PLEKHN1: variants seen among roughly 807,000 people sequenced by gnomAD.
PLEKHN1 encodes pleckstrin homology domain-containing family N member 1.
In PLEKHN1, 68 loss-of-function variants were observed where a neutral mutation model predicts 72.8. That is an observed-to-expected ratio of 0.93 (90% CI 0.77 to 1.14). PLEKHN1 has a LOEUF of 1.14. PLEKHN1 is among the 50% of genes most tolerant of loss of function. The pLI, the probability that PLEKHN1 is intolerant of heterozygous loss-of-function variation, is 0.00. For missense variants in PLEKHN1, 1,015 were observed against 840.5 expected (o/e 1.21, Z -2.57); for synonymous variants, 454 against 371.6 (o/e 1.22, Z -2.55).
At chr1:972,224 C>T in intron 9 of PLEKHN1, 64 bp from the exon 10 acceptor site, 3 of 1,601,520 alleles carry the variant, frequency 1.9e-6, no homozygotes, top group Non-Finnish European at 2.6e-6. Context: ...GGACGCCCGA[C>T]TCTTTAGTGG....
Position 972,435 on chromosome 1 carries a change from A to G in PLEKHN1, c.1002+11A>G. 1.3e-6 allele frequency: 2 copies of G among 1,555,462 alleles called. No homozygotes were observed. Among genetic ancestry groups the G allele is most frequent in the Non-Finnish European group, 1.7e-6 (2 of 1,154,326 alleles). Reference sequence around the variant, plus strand: ...TTCCCAGGGTCGCAGGTGAGGGGTCAATAGGCCCCACAGCCCAGGTCCTGG... The same window carrying G: ...TTCCCAGGGTCGCAGGTGAGGGGTCGATAGGCCCCACAGCCCAGGTCCTGG... On this transcript the variant is annotated intron_variant, in intron 10 of 15. Coordinates refer to ENST00000379410, the MANE Select transcript of PLEKHN1 (RefSeq NM_032129.3).
In PLEKHN1 at chr1:970,260, A is replaced by G. The variant is rs763598442; in HGVS notation, c.184-17A>G. On this transcript the variant is annotated splice_polypyrimidine_tract_variant and intron_variant, in intron 2 of 15. Transcript: ENST00000379410. This position sits in a 1 kb window ranked among gnomAD's most constrained non-coding sequence, Gnocchi z 4.2. ...GGCCCAGGGGAGGCCCCCTCCCCTGAGCTCTACTCCTCCTAGGACATCCTG... is the reference window on the plus strand; with the variant it reads ...GGCCCAGGGGAGGCCCCCTCCCCTGGGCTCTACTCCTCCTAGGACATCCTG... The G allele has an allele frequency of 1.2e-6, 2 of 1,611,496 alleles. No individual in the cohort carries two copies. Among genetic ancestry groups the G allele is most frequent in the Non-Finnish European group, 8.5e-7 (1 of 1,179,114 alleles).
At chr1:971,032 TC>T (rs757791544) in intron 6 of PLEKHN1, 26 bp downstream of exon 6, 1 of 889,778 alleles carries the variant, frequency 1.1e-6, no homozygotes, top group South Asian at 1.4e-5. Flanking sequence ...CCCACCCCCC[TC>T]CCCACCCTGA....
At chr1:971,069 C>A in intron 6 of PLEKHN1, 44 bp from the exon 7 acceptor site, 1 of 1,580,390 alleles carries the variant, frequency 6.3e-7, no homozygotes. Context: ...CTGACCTCCT[C>A]CTCACAGGGG....
chr1:970,319 C>T lies in PLEKHN1; in HGVS notation c.226C>T (p.Pro76Ser). 5.6e-6 allele frequency: 9 copies of T among 1,613,524 alleles called. No homozygotes were observed. Among genetic ancestry groups the T allele is most frequent in the Non-Finnish European group, 7.6e-6 (9 of 1,179,924 alleles). Residue 76 changes from proline (P) to serine (S), a missense_variant, in exon 3 of 16, where the codon CCA becomes TCA. Transcript: ENST00000379410. This position sits in a 1 kb window ranked among gnomAD's most constrained non-coding sequence, Gnocchi z 4.2. Reference sequence around the variant, plus strand: ...GAACCAGCGAGAAAACCTGGAGCAGCCATTCCTGAGTGTGTTCAAGAAGGG... The same window carrying T: ...GAACCAGCGAGAAAACCTGGAGCAGTCATTCCTGAGTGTGTTCAAGAAGGG... ...LENQRENLEQ[P>S]FLSVFKKGRR... is the part of the protein sequence containing the mutation.
At chr1:966,922 A>G in intron 2 of PLEKHN1, 119 bp downstream of exon 2, 1 of 1,129,222 alleles carries the variant, frequency 8.9e-7, no homozygotes, top group Non-Finnish European at 1.2e-6. Context: ...AGACCCCGGT[A>G]GGTGAGGAGC....
chr1:973,444 G>A (rs1643444219), intron 12 of PLEKHN1, 56 bp from the exon 13 acceptor site: 4 of 1,596,266 alleles, frequency 2.5e-6, no homozygotes, highest in Non-Finnish European at 3.4e-6. Context: ...ACAGAGAAGG[G>A]GTGGCCTAGG....
chr1:970,691 G>C lies in PLEKHN1; in HGVS notation c.417G>C (p.Leu139=), dbSNP rs138049760. 1.1e-5 allele frequency: 18 copies of C among 1,596,066 alleles called. No homozygotes were observed. The African/African-American group carries it at 2.4e-4, about 21-fold the overall frequency. ...HGSEGLTFQG[L]LPLTELSVCP... is the part of the protein sequence containing the mutation. ...TCCTACCCTGTGCCTGGCAGGGGCT[G>C]TTACCGCTGACGGAGCTGAGTGTCT... The change falls in exon 5 of 16, where the codon CTG becomes CTC. Residue 139 remains leucine, a synonymous_variant. Coordinates refer to ENST00000379410, the MANE Select transcript of PLEKHN1 (RefSeq NM_032129.3). The surrounding 1 kb of genome is among the most constrained non-coding windows in gnomAD (Gnocchi z 4.2).
At chr1:971,884 A>G (rs562399279) in intron 8 of PLEKHN1, among the ~76,000 whole-genome samples, 191 bp from the exon 9 acceptor site, 14 of 152,310 alleles carry the variant, frequency 9.2e-5, no homozygotes, top group African/African-American at 3.4e-4. Flanking sequence ...TAGCCGGCGA[A>G]GGCCCCCGCG....
rs1320453395 is a variant in PLEKHN1 at position 970,604 on chromosome 1, G to A, written c.411+3G>A. The A allele has an allele frequency of 1.2e-6, 2 of 1,612,036 alleles. No individual in the cohort carries two copies. The highest frequency in any genetic ancestry group is 2.2e-5 in the South Asian group (2 of 90,874). ...GCTCGGAAGGACTCACATTTCAGGTGAGGCGGTGGGCAATGGGGTGGGGCC... is the reference window on the plus strand; with the variant it reads ...GCTCGGAAGGACTCACATTTCAGGTAAGGCGGTGGGCAATGGGGTGGGGCC... On this transcript the variant is annotated splice_donor_region_variant and intron_variant, in intron 4 of 15. Coordinates refer to ENST00000379410, the MANE Select transcript of PLEKHN1 (RefSeq NM_032129.3). This position sits in a 1 kb window ranked among gnomAD's most constrained non-coding sequence, Gnocchi z 4.2.
Position 972,923 on chromosome 1 carries a change from C to T in PLEKHN1, c.1065C>T (p.Cys355=), listed in dbSNP as rs1643414034. The change falls in exon 11 of 16, where the codon TGC becomes TGT. Residue 355 remains cysteine (C), a synonymous_variant. Coordinates refer to ENST00000379410, the MANE Select transcript of PLEKHN1 (RefSeq NM_032129.3). ...SGGQTSWDSG[C]LAPPSTRTSH... ...GACAGACCAGCTGGGACTCGGGGTG[C>T]TTGGCGCCCCCCTCCACCCGCACCA... The T allele has an allele frequency of 6.4e-7, 1 of 1,561,432 alleles. No individual in the cohort carries two copies. The highest frequency in any genetic ancestry group is 8.7e-7 in the Non-Finnish European group (1 of 1,152,710).
rs376546041 is a variant in PLEKHN1 at position 972,173 on chromosome 1, G to C, written c.865+23G>C. 4.3e-6 allele frequency: 7 copies of C among 1,611,266 alleles called. No individual in the cohort carries two copies. In the African/African-American group the frequency reaches 8.0e-5, roughly 18 times the overall value. On this transcript the variant is annotated intron_variant, in intron 9 of 15. Transcript: ENST00000379410. ...AAGGTAGGGCCCTGACCCTGGTTCTGCCTCCCGCCTGGCCAGGCCATGGTG... is the reference window on the plus strand; with the variant it reads ...AAGGTAGGGCCCTGACCCTGGTTCTCCCTCCCGCCTGGCCAGGCCATGGTG...
At position 974,580 on chromosome 1, in the gene PLEKHN1, C is replaced by T. The variant is rs373851334; in HGVS notation, c.*5C>T. ...GGGCTTGTGCAGTGGATCTGATGGC[C>T]GCGGTGAGGTGGGTTCTCAGGACCA... On this transcript the variant is annotated 3_prime_UTR_variant, in exon 16 of 16. Coordinates refer to ENST00000379410, the MANE Select transcript of PLEKHN1 (RefSeq NM_032129.3). 115 of 1,608,440 alleles carry T rather than the reference C, an allele frequency of 7.1e-5. No individual in the cohort carries two copies. The highest frequency in any genetic ancestry group is 1.7e-4 in the Admixed American group (10 of 59,508).
rs1643488683 is a variant in PLEKHN1, at chr1:974,061, AGCCCCCAC to A, written c.1653+15_1653+22del. On this transcript the variant is annotated intron_variant, in intron 14 of 15. Coordinates refer to ENST00000379410, the MANE Select transcript of PLEKHN1 (RefSeq NM_032129.3). ...AGACGCCCCTCAGCTTGTGAGTAGC[AGCCCCCAC>A]GCCCGTGTGCCCCGGGCTCCGGGCT... The A allele has an allele frequency of 6.4e-7, 1 of 1,568,642 alleles. No homozygotes were observed. The highest frequency in any genetic ancestry group is 1.4e-5 in the African/African-American group (1 of 73,766).
chr1:973,425 G>A, intron 12 of PLEKHN1, 75 bp from the exon 13 acceptor site: 4 of 1,577,408 alleles, frequency 2.5e-6, no homozygotes, highest in Non-Finnish European at 3.4e-6. Flanking sequence ...CCACCCAGAG[G>A]CCTCTTGCAC....
chr1:968,447 G>A (rs1389544322), intron 2 of PLEKHN1, among the ~76,000 whole-genome samples: 1 of 152,240 alleles, frequency 6.6e-6, no homozygotes, highest in Non-Finnish European at 1.5e-5. Context: ...GTGTGTGCCA[G>A]GATTGACTAC....
intron 6 of PLEKHN1, 49 bp downstream of exon 6, chr1:971,055 G>T: frequency 1.3e-6 from 2 of 1,580,380 alleles, no homozygotes; most frequent in Non-Finnish European, 1.7e-6. Context: ...CCTCGCAGCC[G>T]GCTCTGACCT....
In PLEKHN1 at chr1:974,650, A is replaced by T; in HGVS notation, c.*75A>T. ...TACCTGCCCCTCTAACCCACTTCAA[A>T]TTACAAGTCAGGGTCTGAACCCAGT... is the stretch of plus-strand genomic sequence containing the variant. On this transcript the variant is annotated 3_prime_UTR_variant, in exon 16 of 16. Transcript: ENST00000379410. The T allele has an allele frequency of 1.3e-6, 2 of 1,502,176 alleles. No homozygotes were observed. The highest frequency in any genetic ancestry group is 1.8e-6 in the Non-Finnish European group (2 of 1,120,952). The allele number at this position is 1,502,176 out of a possible 1,614,324, so 93.1% of individuals were successfully genotyped here.
intron 12 of PLEKHN1, 38 bp downstream of exon 12, chr1:973,364 C>A: frequency 6.4e-7 from 1 of 1,554,328 alleles, no homozygotes; most frequent in African/African-American, 1.4e-5. Flanking sequence ...TGGCCTGGTT[C>A]CCACCGTTCC....
Sources: allele counts gnomAD v4.1 joint callset (sites outside exome capture counted in the v4.1 genomes callset), GRCh38; gene constraint gnomAD v4.1.1; non-coding constraint Gnocchi (gnomAD v3.1); transcripts MANE v1.5; gene names NCBI Gene and HGNC (gene_info 2026-07-23, HGNC 2026-07-21).